The following NAA20 variants were observed in gnomAD, a reference collection of about 807,000 sequenced individuals.
NAA20 encodes N-alpha-acetyltransferase 20.
NAA20 carries 24 observed loss-of-function variants against 23.8 expected under a neutral mutation model. That is an observed-to-expected ratio of 1.01 (90% CI 0.73 to 1.42). The LOEUF (loss-of-function observed/expected upper bound fraction) is 1.42, where lower values mean the gene tolerates loss of function less well. Among genes scored for constraint, NAA20 ranks in the 40% most tolerant of loss-of-function variants. The pLI, the probability that NAA20 is intolerant of heterozygous loss-of-function variation, is 0.00. For synonymous variants in NAA20, 83 were observed against 77.7 expected (o/e 1.07, Z -0.36); for missense variants, 166 against 223.1 (o/e 0.74, Z 1.63).
chr20:20,017,357 G>A (rs373655518), upstream of NAA20: 3 of 1,608,940 alleles, frequency 1.9e-6, no homozygotes, highest in Admixed American at 1.7e-5. Context: ...GGGCGGGCGC[G>A]GGGTCTTGGC....
chr20:20,026,096 G>C (rs577057823), intron 3 of NAA20, among the ~76,000 whole-genome samples: 1 of 152,294 alleles, frequency 6.6e-6, no homozygotes, highest in Admixed American at 6.5e-5. Flanking sequence ...TTTGAGGTCA[G>C]GAGTTCAAGA....
chr20:20,026,767 T>G lies in NAA20; in HGVS notation c.170-17T>G. The G allele has an allele frequency of 6.2e-7, 1 of 1,612,156 alleles. No homozygotes were observed. Among genetic ancestry groups the G allele is most frequent in the Non-Finnish European group, 8.5e-7 (1 of 1,178,462 alleles). On this transcript the variant is annotated splice_polypyrimidine_tract_variant and intron_variant, in intron 3 of 5. Transcript: ENST00000334982. ...CAATGTCTAGTTACTGAATGTGATT[T>G]TTGTTGTTGTTGGCAGTTATGGGTA... is the stretch of plus-strand genomic sequence containing the variant.
Position 20,017,406 on chromosome 20 carries a change from C to G in NAA20, c.10C>G (p.Leu4Val), listed in dbSNP as rs1359197296. ...AAGCGGCGGCGGCGCGATGACCACG[C>G]TACGGGCCTTTACCTGCGACGACCT... MTT[L>V]RAFTCDDLFR... Residue 4 changes from leucine to valine, a missense_variant, in exon 1 of 6, where the codon CTA becomes GTA. Leu to Val is a conservative substitution (Grantham distance 32). Transcript: ENST00000334982. 6 of 1,611,804 alleles carry G rather than the reference C, an allele frequency of 3.7e-6. No individual in the cohort carries two copies. Among genetic ancestry groups the G allele is most frequent in the African/African-American group, 2.7e-5 (2 of 74,812 alleles).
intron 1 of NAA20, chr20:20,018,089 A>T (rs1331332171): frequency 6.2e-7 from 1 of 1,613,834 alleles, no homozygotes; most frequent in Non-Finnish European, 8.5e-7. Context: ...CCCGGTGTAC[A>T]CACCTTTCCT....
intron 4 of NAA20, among the ~76,000 whole-genome samples, chr20:20,028,739 C>G (rs2043323182): frequency 6.6e-6 from 1 of 151,770 alleles, no homozygotes; most frequent in Non-Finnish European, 1.5e-5. Context: ...ATAGTGCATA[C>G]AATGTATACA....
intron 4 of NAA20, among the ~76,000 whole-genome samples, chr20:20,032,165 A>C (rs983736506): frequency 6.6e-6 from 1 of 151,954 alleles, no homozygotes; most frequent in African/African-American, 2.4e-5. Context: ...AAAAGACAAA[A>C]GAATATATGA....
chr20:20,023,885 G>A (rs1245387778), intron 2 of NAA20, among the ~76,000 whole-genome samples: 1 of 152,234 alleles, frequency 6.6e-6, no homozygotes, highest in African/African-American at 2.4e-5. Context: ...TATCTTTCCA[G>A]AAGGCACTTT....
chr20:20,027,880 A>G (rs1005716234), intron 4 of NAA20, among the ~76,000 whole-genome samples: 1 of 152,116 alleles, frequency 6.6e-6, no homozygotes, highest in Non-Finnish European at 1.5e-5. Context: ...AGATGTTTGT[A>G]GTAGCTTCAC....
At chr20:20,027,309 C>T (rs567009484) in intron 4 of NAA20, among the ~76,000 whole-genome samples, 1 of 152,214 alleles carries the variant, frequency 6.6e-6, no homozygotes, top group South Asian at 2.1e-4. Flanking sequence ...CAGTCTTAAG[C>T]AGTTATATTC....
chr20:20,025,299 A>G (rs2043299470), intron 2 of NAA20, among the ~76,000 whole-genome samples: 1 of 152,230 alleles, frequency 6.6e-6, no homozygotes, highest in South Asian at 2.1e-4. Flanking sequence ...ACCAGGCACC[A>G]GGGACAGAGG....
At chr20:20,018,978 C>G (rs536677586) in intron 1 of NAA20, 1 of 975,082 alleles carries the variant, frequency 1.0e-6, no homozygotes, top group South Asian at 4.8e-5. Context: ...ACGCACATTC[C>G]GTTTGCGATC....
chr20:20,022,105 G>C (rs2043272269), intron 1 of NAA20, among the ~76,000 whole-genome samples: 1 of 152,174 alleles, frequency 6.6e-6, no homozygotes. Flanking sequence ...GCTGCAGCGG[G>C]CGAGTTTGAC....
chr20:20,022,249 T>A (rs1162794874), intron 1 of NAA20, among the ~76,000 whole-genome samples: 1 of 152,226 alleles, frequency 6.6e-6, no homozygotes. Flanking sequence ...TGAAAAAATA[T>A]GTAAACACCT....
Position 20,033,247 on chromosome 20 carries a change from T to C in NAA20, c.*60T>C, listed in dbSNP as rs2146471790. 7 of 1,363,552 alleles carry C rather than the reference T, an allele frequency of 5.1e-6. No homozygotes were observed. The highest frequency in any genetic ancestry group is 3.6e-5 in the Admixed American group (2 of 55,958). The allele number at this position is 1,363,552 out of a possible 1,614,324, so 84.5% of individuals were successfully genotyped here. A position where few individuals can be genotyped will look rare whatever the true frequency, so the allele number is the denominator to read the frequency against. ...TGCTTTATGGACAATATTATTTTCA[T>C]TGGATGATTCTGGAGCTCTATTAGG... On this transcript the variant is annotated 3_prime_UTR_variant, in exon 6 of 6. Coordinates refer to ENST00000334982, the MANE Select transcript of NAA20 (RefSeq NM_016100.5).
intron 4 of NAA20, among the ~76,000 whole-genome samples, chr20:20,030,400 G>A (rs1048992487): frequency 6.6e-6 from 1 of 152,116 alleles, no homozygotes; most frequent in Non-Finnish European, 1.5e-5. Context: ...CTGGGAAATA[G>A]AAAGGGGGAA....
chr20:20,027,640 A>G (rs1275877362), intron 4 of NAA20, among the ~76,000 whole-genome samples: 1 of 152,160 alleles, frequency 6.6e-6, no homozygotes, highest in African/African-American at 2.4e-5. Flanking sequence ...AATATCTGAC[A>G]TGTAAGGTTT....
At chr20:20,030,695 C>T (rs1402841173) in intron 4 of NAA20, among the ~76,000 whole-genome samples, 2 of 147,968 alleles carry the variant, frequency 1.4e-5, no homozygotes, top group South Asian at 4.2e-4. Flanking sequence ...GTATAAAAAT[C>T]AATTGTATTT....
intron 1 of NAA20, chr20:20,017,726 C>T: frequency 2.1e-6 from 3 of 1,430,998 alleles, no homozygotes; most frequent in Non-Finnish European, 2.7e-6. Flanking sequence ...TGGGGCAGCG[C>T]TCGGGCCTCC....
intron 1 of NAA20, chr20:20,018,970 G>A: frequency 7.1e-6 from 7 of 981,662 alleles, no homozygotes; most frequent in Non-Finnish European, 7.3e-6. Flanking sequence ...TGTTAGAAAC[G>A]CACATTCCGT....
Sources: gnomAD v4.1 joint callset for allele counts (sites outside exome capture counted in the v4.1 genomes callset) on GRCh38, gnomAD v4.1.1 for gene constraint, MANE v1.5 for transcripts, NCBI Gene and HGNC (gene_info 2026-07-23, HGNC 2026-07-21) for gene names.